P2RX4: variants seen among roughly 807,000 people sequenced by gnomAD.
P2RX4 encodes purinergic receptor P2X 4.
P2RX4 carries 37 observed loss-of-function variants against 48.0 expected under a neutral mutation model. That is an observed-to-expected ratio of 0.77 (90% CI 0.59 to 1.01). P2RX4 has a LOEUF of 1.01. Ranked by LOEUF, P2RX4 falls within the 50% of genes least tolerant of loss-of-function variation. The probability of loss-of-function intolerance (pLI) is 0.00; values close to 1 mark genes in which losing one functional copy is unlikely to be tolerated. For missense variants in P2RX4, 501 were observed against 521.4 expected (o/e 0.96, Z 0.38); for synonymous variants, 200 against 199.7 (o/e 1.00, Z -0.01).
chr12:121,219,652 GATAGATGGAAA>G (rs1886465330), intron 2 of P2RX4, among the ~76,000 whole-genome samples: 1 of 149,566 alleles, frequency 6.7e-6, no homozygotes, highest in Non-Finnish European at 1.5e-5. Context: ...TAGATAGATA[GATAGATGGAAA>G]GAAAGAAAGA....
In P2RX4 at chr12:121,228,629, G is replaced by A. The variant is rs757957055; in HGVS notation, c.605+16G>A. ...ATTTCAGCAAGTAAGTGGTGGCCAGGTGTGTGAGTTCACCAGGGTCTTGGA... is the reference window on the plus strand; with the variant it reads ...ATTTCAGCAAGTAAGTGGTGGCCAGATGTGTGAGTTCACCAGGGTCTTGGA... On this transcript the variant is annotated intron_variant, in intron 6 of 11. Coordinates refer to ENST00000337233, the MANE Select transcript of P2RX4 (RefSeq NM_002560.3). The A allele has an allele frequency of 3.7e-6, 6 of 1,612,942 alleles. No individual in the cohort carries two copies. In the Admixed American group the frequency reaches 1.0e-4, roughly 27 times the overall value.
chr12:121,221,198 T>TGTGTG (rs1566003252), intron 2 of P2RX4, among the ~76,000 whole-genome samples: 107 of 84,346 alleles, frequency 1.3e-3, no homozygotes, highest in African/African-American at 5.3e-3. Flanking sequence ...GTGTGTGTGT[T>TGTGTG]TTTAGTACAA....
intron 1 of P2RX4, chr12:121,215,350 A>G (rs1390238000): frequency 2.0e-5 from 3 of 152,206 alleles, no homozygotes; most frequent in Non-Finnish European, 4.4e-5. Flanking sequence ...ACCTTGGCCA[A>G]AGTTATGCCT....
In P2RX4 at chr12:121,233,498, G is replaced by C. The variant is rs375245618; in HGVS notation, c.1141-25G>C. On this transcript the variant is annotated intron_variant, in intron 11 of 11. Coordinates refer to ENST00000337233, the MANE Select transcript of P2RX4 (RefSeq NM_002560.3). ...CCACAAGGGGTCCCAGGGGCACCTTGATCTGCTTGTGTCCTTCTTTGCAGG... is the reference window on the plus strand; with the variant it reads ...CCACAAGGGGTCCCAGGGGCACCTTCATCTGCTTGTGTCCTTCTTTGCAGG... 1.9e-4 allele frequency: 297 copies of C among 1,602,074 alleles called. 2 individuals carry two copies. Among genetic ancestry groups the C allele is most frequent in the Admixed American group, 4.1e-4 (24 of 58,266 alleles).
At chr12:121,210,616 C>CA (rs1373048748) in intron 1 of P2RX4, among the ~76,000 whole-genome samples, 2 of 152,108 alleles carry the variant, frequency 1.3e-5, no homozygotes, top group Non-Finnish European at 2.9e-5. Context: ...CCCGTCTCTG[C>CA]AAAAAATTAA....
At chr12:121,214,066 G>A (rs1222573594) in intron 1 of P2RX4, 1 of 152,134 alleles carries the variant, frequency 6.6e-6, no homozygotes, top group Admixed American at 6.6e-5. Context: ...GCTTGGCATA[G>A]TGGCGCACAC....
At chr12:121,228,471 A>ATATAT in intron 5 of P2RX4, 62 bp from the exon 6 acceptor site, 1 of 935,698 alleles carries the variant, frequency 1.1e-6, no homozygotes, top group Non-Finnish European at 1.7e-6. Context: ...ATATATATAT[A>ATATAT]ACATGGTTAT....
At chr12:121,224,526 C>T (rs894024913) in intron 5 of P2RX4, among the ~76,000 whole-genome samples, 2 of 151,860 alleles carry the variant, frequency 1.3e-5, no homozygotes, top group South Asian at 2.1e-4. Context: ...TGCTTGAACC[C>T]GGGAAGTGGA....
At chr12:121,216,858 G>T in intron 1 of P2RX4, 1 of 669,054 alleles carries the variant, frequency 1.5e-6, no homozygotes, top group South Asian at 1.6e-5. Context: ...ATGTAATAAA[G>T]ACAGTATTCA....
chr12:121,214,207 A>T (rs1442571042), intron 1 of P2RX4: 1 of 152,114 alleles, frequency 6.6e-6, no homozygotes, highest in East Asian at 1.9e-4. Context: ...GTCTCAAAAA[A>T]AAAAATATGT....
rs11608486 is a variant in P2RX4, at chr12:121,232,923, G to C, written c.1045-74G>C. On this transcript the variant is annotated intron_variant, in intron 10 of 11. Coordinates refer to ENST00000337233, the MANE Select transcript of P2RX4 (RefSeq NM_002560.3). This position sits in a 1 kb window ranked among gnomAD's most constrained non-coding sequence, Gnocchi z 4.3. ...GTAAAGATTCCAGGCTTCTCAGGAA[G>C]GGGCACGCAAAGAATAAGATGGGTT... 130,215 of 1,056,030 alleles carry C rather than the reference G, an allele frequency of 0.12. 9,125 individuals carry two copies. Among genetic ancestry groups the C allele is most frequent in the South Asian group, 0.14 (11,565 of 79,988 alleles). The allele number at this position is 1,056,030 out of a possible 1,614,324, so 65.4% of individuals were successfully genotyped here. A position where few individuals can be genotyped will look rare whatever the true frequency, so the allele number is the denominator to read the frequency against.
intron 5 of P2RX4, among the ~76,000 whole-genome samples, chr12:121,224,548 G>T (rs376079255): frequency 1.9e-4 from 29 of 152,216 alleles, no homozygotes; most frequent in Middle Eastern, 3.4e-3. Flanking sequence ...GTTGCAGTGA[G>T]CTGAGATCGC....
Position 121,232,280 on chromosome 12 carries a change from C to A in P2RX4, c.885-134C>A. 1.5e-6 allele frequency: 1 copy of A among 671,928 alleles called. No individual in the cohort carries two copies. The highest frequency in any genetic ancestry group is 2.3e-5 in the Admixed American group (1 of 43,256). 41.6% of individuals were successfully genotyped at this position (671,928 alleles called of 1,614,324 possible). On this transcript the variant is annotated intron_variant, in intron 8 of 11. Transcript: ENST00000337233. The surrounding 1 kb of genome is among the most constrained non-coding windows in gnomAD (Gnocchi z 4.3). ...ACAGCCCGCCTCAGCCAGGAGAGGCCCCGAGCCGCTCCAGCGTCCATTCAG... is the reference window on the plus strand; with the variant it reads ...ACAGCCCGCCTCAGCCAGGAGAGGCACCGAGCCGCTCCAGCGTCCATTCAG...
rs374171278 is a variant in P2RX4 at position 121,221,997 on chromosome 12, C to G, written c.354+13C>G. On this transcript the variant is annotated intron_variant, in intron 3 of 11. Coordinates refer to ENST00000337233, the MANE Select transcript of P2RX4 (RefSeq NM_002560.3). ...CCTGTGCCCCGAGGTAGGAGGCCCCCGGGAAGAGCCCCAGGCCCCACACCC... is the reference window on the plus strand; with the variant it reads ...CCTGTGCCCCGAGGTAGGAGGCCCCGGGGAAGAGCCCCAGGCCCCACACCC... The G allele has an allele frequency of 1.2e-6, 2 of 1,612,574 alleles. No homozygotes were observed. The highest frequency in any genetic ancestry group is 1.3e-5 in the African/African-American group (1 of 75,036).
chr12:121,217,610 G>A (rs778462164), intron 2 of P2RX4, among the ~76,000 whole-genome samples: 5 of 151,890 alleles, frequency 3.3e-5, no homozygotes, highest in African/African-American at 7.3e-5. Flanking sequence ...CCAAATACAC[G>A]AGGTAAATCT....
rs767466230 is a variant in P2RX4 at position 121,221,981 on chromosome 12, C to T, written c.351C>T (p.Pro117=). Residue 117 remains proline (P), a synonymous_variant, in exon 3 of 12, where the codon CCC becomes CCT. Coordinates refer to ENST00000337233, the MANE Select transcript of P2RX4 (RefSeq NM_002560.3). The part of the protein sequence containing the change: ...LTMNQTQGLC[P]EIPDATTVCK... The stretch of plus-strand genomic sequence containing the variant: ...TGAACCAGACACAGGGCCTGTGCCC[C>T]GAGGTAGGAGGCCCCCGGGAAGAGC... 27 of 1,613,902 alleles carry T rather than the reference C, an allele frequency of 1.7e-5. No homozygotes were observed. In the African/African-American group the frequency reaches 2.8e-4, roughly 17 times the overall value.
chr12:121,210,887 G>A (rs912294240), intron 1 of P2RX4, among the ~76,000 whole-genome samples: 5 of 152,168 alleles, frequency 3.3e-5, no homozygotes, highest in Admixed American at 6.5e-5. Context: ...CTCAATCTTC[G>A]CTCTCCACTT....
At chr12:121,228,455 GTA>G (rs373631347) in intron 5 of P2RX4, 76 bp from the exon 6 acceptor site, 10,354 of 598,670 alleles carry the variant, frequency 0.017, no homozygotes, top group East Asian at 0.029. Context: ...ATATATGTGT[GTA>G]TATATATATA....
chr12:121,232,085 C>A lies in P2RX4; in HGVS notation c.885-329C>A, dbSNP rs973492739. Among the ~76,000 whole-genome samples the A allele has an allele frequency of 7.9e-5, 12 of 151,518 alleles. No homozygotes were observed. Among genetic ancestry groups the A allele is most frequent in the Non-Finnish European group, 1.6e-4 (11 of 67,976 alleles). ...CCCCTCCTGCAATGCTGGCTGGTCA[C>A]ATTCTTACTGTTAGATGTTGGAGGT... On this transcript the variant is annotated intron_variant, in intron 8 of 11. Coordinates refer to ENST00000337233, the MANE Select transcript of P2RX4 (RefSeq NM_002560.3). This position sits in a 1 kb window ranked among gnomAD's most constrained non-coding sequence, Gnocchi z 4.3.
Sources: gnomAD v4.1 joint callset for allele counts (sites outside exome capture counted in the v4.1 genomes callset) on GRCh38, gnomAD v4.1.1 for gene constraint, Gnocchi (gnomAD v3.1) non-coding constraint, MANE v1.5 for transcripts, NCBI Gene and HGNC (gene_info 2026-07-23, HGNC 2026-07-21) for gene names.